Variants in THTPA observed in about 807,000 individuals in gnomAD.
THTPA encodes thiamine-triphosphatase.
THTPA carries 16 observed loss-of-function variants against 16.5 expected under a neutral mutation model. The observed-to-expected ratio is 0.97, with a 90% CI of 0.66 to 1.47. The LOEUF (loss-of-function observed/expected upper bound fraction) is 1.47. THTPA is among the 40% of genes most tolerant of loss of function. The probability of loss-of-function intolerance (pLI) is 0.00; values close to 1 mark genes in which losing one functional copy is unlikely to be tolerated. For synonymous variants in THTPA, 110 were observed against 115.5 expected (o/e 0.95, Z 0.30); for missense variants, 281 against 280.9 (o/e 1.00, Z 0.00).
chr14:23,540,852 C>T, the THTPA span, among the ~76,000 whole-genome samples: 1 of 152,178 alleles, frequency 6.6e-6, no homozygotes, highest in Non-Finnish European at 1.5e-5. Context: ...CAGAGTGGAG[C>T]ATGGTGTTTG....
chr14:23,556,451 TGAAAGG>T lies in THTPA; in HGVS notation c.-306_-301del. 1 of 344,772 alleles carries T rather than the reference TGAAAGG, an allele frequency of 2.9e-6. No individual in the cohort carries two copies. Among genetic ancestry groups the T allele is most frequent in the Non-Finnish European group, 5.3e-6 (1 of 188,262 alleles). The allele number at this position is 344,772 out of a possible 1,614,324, so 21.4% of individuals were successfully genotyped here. ...TGGCAAGGTGTAGAGAGGGGGGCGT[TGAAAGG>T]ACACCCGCTACCCGGCCTGCTTTCT... On this transcript the variant is annotated 5_prime_UTR_variant, in exon 1 of 2. Transcript: ENST00000288014.
the THTPA span, chr14:23,526,050 C>T: frequency 6.5e-7 from 1 of 1,536,514 alleles, no homozygotes; most frequent in Non-Finnish European, 8.7e-7. Context: ...TCTGTCTCGC[C>T]TTCCTTGGGC....
chr14:23,529,392 T>C, the THTPA span: 1 of 333,228 alleles, frequency 3.0e-6, no homozygotes, highest in South Asian at 3.2e-5. Flanking sequence ...GGTTGTTTGC[T>C]TTTGCCTTTC....
the THTPA span, chr14:23,531,853 C>G: frequency 8.6e-7 from 1 of 1,165,262 alleles, no homozygotes; most frequent in Non-Finnish European, 1.1e-6. Flanking sequence ...TCTCTACTCA[C>G]TGAAGCCTCT....
chr14:23,514,908 T>G, the THTPA span, among the ~76,000 whole-genome samples: 1 of 152,194 alleles, frequency 6.6e-6, no homozygotes, highest in Admixed American at 6.5e-5. Context: ...CAACTAGATA[T>G]CCACCTCCTT....
the THTPA span, chr14:23,525,244 TTCAGGGGCACGGG>T: frequency 6.5e-7 from 1 of 1,536,076 alleles, no homozygotes; most frequent in Non-Finnish European, 8.7e-7. The surrounding 1 kb of genome is among the most constrained non-coding windows in gnomAD (Gnocchi z 5.9). Context: ...GACTTCGCTC[TTCAGGGGCACGGG>T]TCCCCCCTGC....
chr14:23,529,303 C>T, the THTPA span: 1 of 210,108 alleles, frequency 4.8e-6, no homozygotes, highest in Admixed American at 5.4e-5. Context: ...CATCCAGGCT[C>T]AGGGCGTTTT....
At chr14:23,554,993 A>AT (rs1882244604), upstream of THTPA, among the ~76,000 whole-genome samples, 1 of 151,638 alleles carries the variant, frequency 6.6e-6, no homozygotes, top group African/African-American at 2.4e-5. Flanking sequence ...CCTGAATTTT[A>AT]TTTTTTTGGG....
At chr14:23,525,146 C>G in the THTPA span, 6 of 1,536,048 alleles carry the variant, frequency 3.9e-6, no homozygotes, top group African/African-American at 1.4e-5. The surrounding 1 kb of genome is among the most constrained non-coding windows in gnomAD (Gnocchi z 5.9). Context: ...GAACTTGGTT[C>G]TGGAGAACCG....
At chr14:23,543,247 A>C in the THTPA span, 3 of 152,378 alleles carry the variant, frequency 2.0e-5, no homozygotes, top group East Asian at 5.8e-4. Context: ...AATCTGATGC[A>C]ATAGATGTAG....
At chr14:23,526,280 T>G in the THTPA span, 2 of 1,536,190 alleles carry the variant, frequency 1.3e-6, no homozygotes, top group Admixed American at 2.0e-5. Flanking sequence ...AATGGCAGCC[T>G]TCTTCATCTT....
chr14:23,544,652 G>A, the THTPA span, among the ~76,000 whole-genome samples: 4 of 152,224 alleles, frequency 2.6e-5, no homozygotes, highest in African/African-American at 9.6e-5. Context: ...TGGCGCGGGC[G>A]TGTTTAGGGT....
chr14:23,528,595 C>T, the THTPA span: 1 of 985,418 alleles, frequency 1.0e-6, no homozygotes, highest in Non-Finnish European at 1.2e-6. Context: ...GCCCACTCTG[C>T]CTCTGTGAAC....
At chr14:23,549,829 C>T in the THTPA span, among the ~76,000 whole-genome samples, 3 of 152,302 alleles carry the variant, frequency 2.0e-5, no homozygotes, top group African/African-American at 7.2e-5. Flanking sequence ...CCCCACACCT[C>T]TCCCAGCCCT....
At chr14:23,520,544 C>T in the THTPA span, among the ~76,000 whole-genome samples, 3 of 152,174 alleles carry the variant, frequency 2.0e-5, no homozygotes, top group Non-Finnish European at 4.4e-5. This position sits in a 1 kb window ranked among gnomAD's most constrained non-coding sequence, Gnocchi z 8.7. Flanking sequence ...GTGACACTGA[C>T]TTTTCTAACT....
chr14:23,526,377 G>A, the THTPA span: 22 of 1,536,368 alleles, frequency 1.4e-5, no homozygotes, highest in East Asian at 2.4e-5. Context: ...TTATAGGGCC[G>A]GGCAGGGTCG....
the THTPA span, among the ~76,000 whole-genome samples, chr14:23,550,060 G>A: frequency 1.3e-5 from 2 of 152,198 alleles, no homozygotes; most frequent in African/African-American, 2.4e-5. Context: ...GGGGAAGGGA[G>A]TAAAATTAAG....
the THTPA span, chr14:23,527,584 C>G: frequency 1.3e-6 from 2 of 1,536,350 alleles, no homozygotes; most frequent in Admixed American, 2.0e-5. Context: ...TTGTACCGTC[C>G]TCACCCAGCC....
the THTPA span, among the ~76,000 whole-genome samples, chr14:23,546,883 C>G: frequency 7.9e-5 from 12 of 152,166 alleles, no homozygotes. This position sits in a 1 kb window ranked among gnomAD's most constrained non-coding sequence, Gnocchi z 4.7. Flanking sequence ...CCCCGCCCAC[C>G]AGCCCCTTCT....
Sources: allele counts gnomAD v4.1 joint callset (sites outside exome capture counted in the v4.1 genomes callset), GRCh38; gene constraint gnomAD v4.1.1; non-coding constraint Gnocchi (gnomAD v3.1); transcripts MANE v1.5; gene names NCBI Gene and HGNC (gene_info 2026-07-23, HGNC 2026-07-21).